ERC2: variants seen among roughly 807,000 people sequenced by gnomAD.
ERC2 encodes ERC protein 2.
In ERC2, 42 loss-of-function variants were observed where a neutral mutation model predicts 114.8. That is an observed-to-expected ratio of 0.37 (90% CI 0.29 to 0.47). The LOEUF (loss-of-function observed/expected upper bound fraction) is 0.47. Ranked by LOEUF, ERC2 falls within the 20% of genes least tolerant of loss-of-function variation. The probability of loss-of-function intolerance (pLI) is 0.99; values close to 1 mark genes in which losing one functional copy is unlikely to be tolerated. For synonymous variants in ERC2, 454 were observed against 425.5 expected (o/e 1.07, Z -0.82); for missense variants, 939 against 1,150.7 (o/e 0.82, Z 2.66).
chr3:56,413,821 T>C (rs1467967096), intron 2 of ERC2, among the ~76,000 whole-genome samples: 1 of 152,190 alleles, frequency 6.6e-6, no homozygotes, highest in Non-Finnish European at 1.5e-5. Flanking sequence ...GGGAAATTTC[T>C]CCCCCAAACC....
intron 7 of ERC2, among the ~76,000 whole-genome samples, chr3:56,026,271 A>T (rs990928491): frequency 4.6e-5 from 7 of 151,958 alleles, no homozygotes; most frequent in African/African-American, 1.7e-4. Flanking sequence ...GCTGGTCTCA[A>T]ACTCCTGACT....
chr3:55,859,957 T>C (rs116049823), intron 14 of ERC2, among the ~76,000 whole-genome samples: 1,783 of 152,198 alleles, frequency 0.012, 39 homozygotes, highest in African/African-American at 0.041. Flanking sequence ...GAAAAGGTTT[T>C]TTATCCCAAG....
chr3:55,675,278 C>T (rs2148749956), intron 17 of ERC2, among the ~76,000 whole-genome samples: 1 of 152,286 alleles, frequency 6.6e-6, no homozygotes, highest in Non-Finnish European at 1.5e-5. Flanking sequence ...ATGGGGAAGC[C>T]ACAATGAGGG....
At chr3:55,942,114 C>T (rs1003018974) in intron 13 of ERC2, among the ~76,000 whole-genome samples, 1 of 152,046 alleles carries the variant, frequency 6.6e-6, no homozygotes, top group East Asian at 1.9e-4. Context: ...GCACAAATGG[C>T]ACTGGGCAAG....
chr3:55,668,291 G>A (rs552699296), intron 17 of ERC2, among the ~76,000 whole-genome samples: 5 of 152,228 alleles, frequency 3.3e-5, no homozygotes, highest in African/African-American at 7.2e-5. Context: ...CAAAGAACAC[G>A]GAATGTGATG....
chr3:56,321,151 A>G (rs1342638910), intron 2 of ERC2, among the ~76,000 whole-genome samples: 2 of 152,158 alleles, frequency 1.3e-5, no homozygotes, highest in African/African-American at 4.8e-5. Flanking sequence ...AACATGTAAG[A>G]CAGGAGGCAG....
chr3:55,577,130 A>G (rs2057025786), intron 17 of ERC2, among the ~76,000 whole-genome samples: 1 of 152,218 alleles, frequency 6.6e-6, no homozygotes, highest in African/African-American at 2.4e-5. Context: ...TTTTAAAAAA[A>G]TCCCCTCCTG....
chr3:55,936,883 C>A lies in ERC2; in HGVS notation c.2403+13542G>T, dbSNP rs142396367. ...GGCATCAACCTGCATTTACTCTGTG[C>A]CGGATGCTGTTTTCTAAATGACCAC... On this transcript the variant is annotated intron_variant, in intron 13 of 17. Coordinates refer to ENST00000288221, the MANE Select transcript of ERC2 (RefSeq NM_015576.3). Among the ~76,000 whole-genome samples, 33 of 152,328 alleles carry A rather than the reference C, an allele frequency of 2.2e-4. No individual in the cohort carries two copies. In the East Asian group the frequency reaches 6.4e-3, roughly 29 times the overall value.
intron 17 of ERC2, among the ~76,000 whole-genome samples, chr3:55,645,684 C>T (rs561993131): frequency 2.7e-4 from 41 of 152,274 alleles, no homozygotes; most frequent in Non-Finnish European, 5.0e-4. Flanking sequence ...ACTCTCGACA[C>T]AGTGGGGGGC....
At chr3:55,825,801 T>C (rs553244244) in intron 14 of ERC2, among the ~76,000 whole-genome samples, 1 of 152,286 alleles carries the variant, frequency 6.6e-6, no homozygotes, top group South Asian at 2.1e-4. Context: ...TATTTGCTAG[T>C]ATTAGTATCA....
intron 9 of ERC2, among the ~76,000 whole-genome samples, chr3:56,009,315 G>C (rs1213103820): frequency 6.6e-6 from 1 of 152,184 alleles, no homozygotes; most frequent in Non-Finnish European, 1.5e-5. Context: ...AAGCTAGGAA[G>C]AGAACTCCAT....
At chr3:56,327,921 G>A (rs908345238) in intron 2 of ERC2, among the ~76,000 whole-genome samples, 8 of 152,178 alleles carry the variant, frequency 5.3e-5, no homozygotes, top group Non-Finnish European at 1.0e-4. Context: ...ACTACATGTG[G>A]TTGAGTTCAG....
chr3:55,926,012 A>G (rs939830795), intron 13 of ERC2, among the ~76,000 whole-genome samples: 33 of 152,212 alleles, frequency 2.2e-4, no homozygotes, highest in African/African-American at 7.7e-4. Context: ...TAGCAAGTAC[A>G]TATTTCCAAT....
At chr3:56,120,324 C>T (rs1035533521) in intron 6 of ERC2, among the ~76,000 whole-genome samples, 3 of 152,140 alleles carry the variant, frequency 2.0e-5, no homozygotes, top group Non-Finnish European at 4.4e-5. Flanking sequence ...TGGACCCTAT[C>T]ACATTGATAT....
intron 6 of ERC2, among the ~76,000 whole-genome samples, chr3:56,105,272 G>T (rs1415058346): frequency 6.6e-6 from 1 of 152,062 alleles, no homozygotes; most frequent in Admixed American, 6.5e-5. Flanking sequence ...TGAAGACTTT[G>T]GTTGATATGG....
At chr3:55,632,156 G>A (rs74794813) in intron 17 of ERC2, among the ~76,000 whole-genome samples, 3,136 of 152,298 alleles carry the variant, frequency 0.021, 43 homozygotes, top group Middle Eastern at 0.065. Flanking sequence ...CAAACAGCTG[G>A]TTCCCTCTAT....
intron 3 of ERC2, among the ~76,000 whole-genome samples, chr3:56,184,372 C>T (rs752062961): frequency 6.6e-6 from 1 of 152,194 alleles, no homozygotes; most frequent in South Asian, 2.1e-4. Context: ...TCTCAAGGAA[C>T]TTGACTGTCT....
At chr3:56,116,160 A>G (rs2079221621) in intron 6 of ERC2, among the ~76,000 whole-genome samples, 1 of 152,196 alleles carries the variant, frequency 6.6e-6, no homozygotes. Flanking sequence ...TGCCAGTGGC[A>G]GTTGTCTCCT....
chr3:55,749,053 A>T (rs1405918217), intron 14 of ERC2, among the ~76,000 whole-genome samples: 5 of 152,116 alleles, frequency 3.3e-5, no homozygotes, highest in Admixed American at 3.3e-4. Context: ...TTCAACATAC[A>T]CCCAAGACTG....
Sources: allele counts gnomAD v4.1 joint callset (sites outside exome capture counted in the v4.1 genomes callset), GRCh38; gene constraint gnomAD v4.1.1; transcripts MANE v1.5; gene names NCBI Gene and HGNC (gene_info 2026-07-23, HGNC 2026-07-21).